The following UNC13D variants were observed in gnomAD, a reference collection of about 807,000 sequenced individuals.
The protein encoded by UNC13D is protein unc-13 homolog D.
UNC13D carries 115 observed loss-of-function variants against 151.7 expected under a neutral mutation model. The ratio of observed to expected loss-of-function variants is 0.76; its 90% CI spans 0.65 to 0.88. The LOEUF (loss-of-function observed/expected upper bound fraction) is 0.88, where lower values mean the gene tolerates loss of function less well. Among genes scored for constraint, UNC13D ranks in the 40% least tolerant of loss-of-function variants. The pLI is 0.00. For synonymous variants in UNC13D, 588 were observed against 612.2 expected (o/e 0.96, Z 0.58); for missense variants, 1,369 against 1,438.7 (o/e 0.95, Z 0.78).
chr17:75,830,125 T>G lies in UNC13D; in HGVS notation c.2857A>C (p.Thr953Pro). The change falls in exon 30 of 32, where the codon ACC becomes CCC. Residue 953 changes from threonine (T) to proline (P), a missense_variant. By Grantham distance (38) the Thr-to-Pro change is conservative (BLOSUM62 -1). This residue lies in a region of UNC13D where 807 missense variants were observed against 795.5 expected (regional missense o/e 1.01). Coordinates refer to ENST00000207549, the MANE Select transcript of UNC13D (RefSeq NM_199242.3). ...GGGAACTCATGCCTGGGCTCCAAGG[T>G]CAGCTGGACAAAGGGGTCGCTGGAG... Reference protein sequence around the residue: ...NGSSDPFVQLTLEPRHEFPEL... With the variant: ...NGSSDPFVQLPLEPRHEFPEL... 1 of 1,589,276 alleles carries G rather than the reference T, an allele frequency of 6.3e-7. No individual in the cohort carries two copies. The highest frequency in any genetic ancestry group is 1.1e-5 in the South Asian group (1 of 87,024).
In UNC13D at chr17:75,843,620, G is replaced by A. The variant is rs1426507317; in HGVS notation, c.118-101C>T. ...GGCCTGATCCAGGCCAAGGGTATGG[G>A]GGCCCCAGCACCCCGGCCTCCAGCC... On this transcript the variant is annotated intron_variant, in intron 1 of 31. Transcript: ENST00000207549. 7.8e-6 allele frequency: 12 copies of A among 1,547,540 alleles called. No individual in the cohort carries two copies. In the South Asian group the frequency reaches 8.3e-5, roughly 11 times the overall value.
At position 75,829,469 on chromosome 17, in the gene UNC13D, G is replaced by GTA. The variant is rs540740788; in HGVS notation, c.2955-487_2955-486insTA. On this transcript the variant is annotated intron_variant, in intron 30 of 31. Coordinates refer to ENST00000207549, the MANE Select transcript of UNC13D (RefSeq NM_199242.3). ...TCCCACCACACCCAGCTAATTTTTTGTTTTTAGTAGAGACGGGGTTTCACC... is the reference window on the plus strand; with the variant it reads ...TCCCACCACACCCAGCTAATTTTTTGTATTTTTAGTAGAGACGGGGTTTCACC... Among the ~76,000 whole-genome samples, 50 of 151,490 alleles carry GTA rather than the reference G, an allele frequency of 3.3e-4. 1 individual carries two copies. Among genetic ancestry groups the GTA allele is most frequent in the Admixed American group, 7.9e-4 (12 of 15,222 alleles).
In UNC13D at chr17:75,836,203, C is replaced by T. The variant is rs565879509; in HGVS notation, c.1443G>A (p.Val481=). 1.2e-6 allele frequency: 2 copies of T among 1,611,180 alleles called. No individual in the cohort carries two copies. Among genetic ancestry groups the T allele is most frequent in the African/African-American group, 2.7e-5 (2 of 75,046 alleles). ...TCCCCCTTGCCCAGCCCCTCACCTG[C>T]ACCATGGGTTGATGGTGCTGCTGCT... ...HLKQQHHQPM[V]QGIPEAGKAL... Residue 481 remains valine, a synonymous_variant, in exon 16 of 32, where the codon GTG becomes GTA. Coordinates refer to ENST00000207549, the MANE Select transcript of UNC13D (RefSeq NM_199242.3).
Position 75,830,381 on chromosome 17 carries a change from C to T in UNC13D, c.2811G>A (p.Leu937=), listed in dbSNP as rs770470100. The change falls in exon 29 of 32, where the codon CTG becomes CTA. Residue 937 remains leucine, a synonymous_variant. Coordinates refer to ENST00000207549, the MANE Select transcript of UNC13D (RefSeq NM_199242.3). ...ACTCACCATTGGAGTCCAGGGGCAG[C>T]AGGCTGGAGGCGCTGAGCAGCTCCA... The part of the protein sequence containing the change: ...LRVELLSASS[L]LPLDSNGSSD... 6.3e-7 allele frequency: 1 copy of T among 1,591,648 alleles called. No homozygotes were observed. Among genetic ancestry groups the T allele is most frequent in the South Asian group, 1.1e-5 (1 of 87,618 alleles).
rs777053464 is a variant in UNC13D, at chr17:75,835,712, C to G, written c.1662G>C (p.Glu554Asp). Residue 554 changes from glutamate (E) to aspartate (D), a missense_variant, in exon 19 of 32, where the codon GAG (glutamate) becomes GAC (aspartate). Transcript: ENST00000207549. ...VGDVVSPEMGESLFQLYISLK... is the reference protein window; with the variant it reads ...VGDVVSPEMGDSLFQLYISLK... ...GGCTGATGTAGAGCTGGAACAGACT[C>G]TCGCCCATCTCTGGGGACACTACAT... 2 of 1,613,694 alleles carry G rather than the reference C, an allele frequency of 1.2e-6. No individual in the cohort carries two copies. The highest frequency in any genetic ancestry group is 2.2e-5 in the South Asian group (2 of 91,088).
At position 75,837,935 on chromosome 17, in the gene UNC13D, A is replaced by G. The variant is rs979519175; in HGVS notation, c.1056-1017T>C. On this transcript the variant is annotated intron_variant, in intron 12 of 31. Transcript: ENST00000207549. ...AGCCTGGGGACAGGCCGAAGTCCCT[A>G]TTGGACACTGCAGCCACCTGCATTA... 3.3e-5 allele frequency among the ~76,000 whole-genome samples: 5 copies of G among 152,102 alleles called. No individual in the cohort carries two copies. The South Asian group carries it at 1.0e-3, about 31-fold the overall frequency.
rs373019036 is a variant in UNC13D at position 75,839,894 on chromosome 17, C to T, written c.1000G>A (p.Val334Ile). The change falls in exon 12 of 32, where the codon GTC (valine) becomes ATC (isoleucine). Residue 334 changes from valine (V) to isoleucine (I), a missense_variant. Transcript: ENST00000207549. The stretch of plus-strand genomic sequence containing the variant: ...TTCTGTGTGGCGTGCAGAAAGAGGA[C>T]GGTGGCAGCCTGGGGACTCAGCGAC... The part of the protein sequence containing the change: ...DGSLSPQAAT[V>I]LFLHATQKDL... 8.1e-6 allele frequency: 13 copies of T among 1,613,856 alleles called. No homozygotes were observed. The highest frequency in any genetic ancestry group is 1.7e-5 in the Admixed American group (1 of 60,022).
At position 75,836,591 on chromosome 17, in the gene UNC13D, G is replaced by C; in HGVS notation, c.1279C>G (p.Arg427Gly). 6.2e-7 allele frequency: 1 copy of C among 1,613,820 alleles called. No individual in the cohort carries two copies. The highest frequency in any genetic ancestry group is 8.5e-7 in the Non-Finnish European group (1 of 1,180,028). The change falls in exon 14 of 32, where the codon CGG becomes GGG. Residue 427 changes from arginine to glycine, a missense_variant. By Grantham distance (125) the Arg-to-Gly change is moderately radical. Transcript: ENST00000207549. ...ACTGACCTGAGAAGAGACTGCAGCC[G>C]GGCTGGGGAGTCCGAGACAGAGAGG... ...FPLSVSDSPA[R>G]LQSLLRVLVQ...
chr17:75,837,914 TGG>T (rs913808691), intron 12 of UNC13D, among the ~76,000 whole-genome samples: 94 of 152,238 alleles, frequency 6.2e-4, no homozygotes, highest in African/African-American at 2.2e-3. Context: ...AGGAGCAGCC[TGG>T]GGACAGGCCG....
chr17:75,828,855 AG>A lies in UNC13D; in HGVS notation c.3082del (p.Leu1028Ter). 17 of 1,591,886 alleles carry A rather than the reference AG, an allele frequency of 1.1e-5. No individual in the cohort carries two copies. Among genetic ancestry groups the A allele is most frequent in the Non-Finnish European group, 1.4e-5 (16 of 1,171,746 alleles). ...CTCACCAGGCTCCTCAGAGCCACTC[AG>A]CCCGGGCACCTCACGCAGCGGCAGG... ...AFLPLREVPGLSGSEEPGEVP... is the reference protein window; with the variant it reads ...AFLPLREVPGXSGSEEPGEVP... On this transcript the variant is annotated frameshift_variant, in exon 31 of 32. Transcript: ENST00000207549. LOFTEE classifies it high-confidence loss of function.
At chr17:75,830,513 G>A (rs2143865251) in intron 28 of UNC13D, 31 bp from the exon 29 acceptor site, 1 of 1,585,884 alleles carries the variant, frequency 6.3e-7, no homozygotes, top group Non-Finnish European at 8.6e-7. Flanking sequence ...AGGGTCAGCA[G>A]GGTCACAGCG....
chr17:75,829,347 G>A (rs1198906046), intron 30 of UNC13D, among the ~76,000 whole-genome samples: 2 of 152,222 alleles, frequency 1.3e-5, no homozygotes, highest in African/African-American at 4.8e-5. Context: ...CTAGGCTGGA[G>A]TGCAGTGGCG....
rs368589752 is a variant in UNC13D at position 75,840,154 on chromosome 17, G to A, written c.859-44C>T. On this transcript the variant is annotated intron_variant, in intron 10 of 31. Coordinates refer to ENST00000207549, the MANE Select transcript of UNC13D (RefSeq NM_199242.3). The surrounding 1 kb of genome is among the most constrained non-coding windows in gnomAD (Gnocchi z 4.6). ...GAGCAGACAGGGCCTCACACTGGGT[G>A]CAGCCAGCCCCGCAACCCAGCAGAC... 34 of 1,611,390 alleles carry A rather than the reference G, an allele frequency of 2.1e-5. No homozygotes were observed. The highest frequency in any genetic ancestry group is 3.3e-5 in the Admixed American group (2 of 59,836).
chr17:75,834,240 G>C (rs2064890913), intron 23 of UNC13D, 85 bp downstream of exon 23: 1 of 1,586,152 alleles, frequency 6.3e-7, no homozygotes, highest in African/African-American at 1.3e-5. Context: ...AAGGGGTCAG[G>C]GTTGGACCTT....
chr17:75,839,864 G>C lies in UNC13D; in HGVS notation c.1030C>G (p.Leu344Val). 1.9e-6 allele frequency: 3 copies of C among 1,613,962 alleles called. No homozygotes were observed. The highest frequency in any genetic ancestry group is 2.5e-6 in the Non-Finnish European group (3 of 1,180,010). Residue 344 changes from leucine to valine, a missense_variant, in exon 12 of 32, where the codon CTA (leucine) becomes GTA (valine). Transcript: ENST00000207549. ...VLFLHATQKDLSDFHQSMAQW... is the reference protein window; with the variant it reads ...VLFLHATQKDVSDFHQSMAQW... ...GCCATGGACTGGTGGAAGTCGGATA[G>C]GTCCTTCTGTGTGGCGTGCAGAAAG... is the stretch of plus-strand genomic sequence containing the variant.
Position 75,834,507 on chromosome 17 carries a change from C to G in UNC13D, c.2116G>C (p.Glu706Gln), listed in dbSNP as rs140332182. 6.3e-7 allele frequency: 1 copy of G among 1,582,202 alleles called. No individual in the cohort carries two copies. Among genetic ancestry groups the G allele is most frequent in the Non-Finnish European group, 8.6e-7 (1 of 1,164,576 alleles). The stretch of plus-strand genomic sequence containing the variant: ...TTGCCGATCACCAGCCGCAGCTGCT[C>G]CATGTCATTCACCACCACACACAGC... ...NMLCVVVNDM[E>Q]QLRLVIGKLP... Residue 706 changes from glutamate to glutamine, a missense_variant, in exon 23 of 32, where the codon GAG (glutamate) becomes CAG (glutamine). Physicochemically the swap from Glu to Gln is conservative, Grantham distance 29 (BLOSUM62 2). Transcript: ENST00000207549.
In UNC13D at chr17:75,834,929, C is replaced by A; in HGVS notation, c.1983G>T (p.Lys661Asn). The A allele has an allele frequency of 6.2e-7, 1 of 1,614,042 alleles. No individual in the cohort carries two copies. Among genetic ancestry groups the A allele is most frequent in the Non-Finnish European group, 8.5e-7 (1 of 1,180,032 alleles). ...DPEEAFMITV[K>N]FVEDTCRLAL... Reference sequence around the variant, plus strand: ...GTGGAAGATGCCGCACCTCCACAAACTTGACGGTAATCATGAAGGCCTCCT... The same window carrying A: ...GTGGAAGATGCCGCACCTCCACAAAATTGACGGTAATCATGAAGGCCTCCT... Residue 661 changes from lysine to asparagine, a missense_variant, in exon 21 of 32, where the codon AAG becomes AAT. Coordinates refer to ENST00000207549, the MANE Select transcript of UNC13D (RefSeq NM_199242.3).
intron 2 of UNC13D, 55 bp downstream of exon 2, chr17:75,843,429 G>A: frequency 6.3e-7 from 1 of 1,582,616 alleles, no homozygotes; most frequent in South Asian, 1.1e-5. Context: ...CGGCCGGCAG[G>A]AGGACACACA....
rs897193421 is a variant in UNC13D at position 75,828,837 on chromosome 17, G to A, written c.3101C>T (p.Pro1034Leu). The A allele has an allele frequency of 1.9e-6, 3 of 1,575,100 alleles. No individual in the cohort carries two copies. The highest frequency in any genetic ancestry group is 3.7e-5 in the Admixed American group (2 of 53,650). ...EVPGLSGSEE[P>L]GEVPQTRLPL... ...CAGGCGGGTCTGAGGCACCTCACCA[G>A]GCTCCTCAGAGCCACTCAGCCCGGG... is the stretch of plus-strand genomic sequence containing the variant. The change falls in exon 31 of 32, where the codon CCT becomes CTT. Residue 1034 changes from proline (P) to leucine (L), a missense_variant. Transcript: ENST00000207549.
Sources: allele counts gnomAD v4.1 joint callset (sites outside exome capture counted in the v4.1 genomes callset), GRCh38; gene constraint gnomAD v4.1.1; regional missense constraint gnomAD v4.1.1; non-coding constraint Gnocchi (gnomAD v3.1); transcripts MANE v1.5; gene names NCBI Gene and HGNC (gene_info 2026-07-23, HGNC 2026-07-21).